Variants in LCORL observed in about 807,000 individuals in gnomAD.
LCORL encodes the protein ligand-dependent nuclear receptor corepressor-like protein.
Under a neutral mutation model 141.8 loss-of-function variants are expected in LCORL, and 41 were observed. That is an observed-to-expected ratio of 0.29 (90% CI 0.23 to 0.38). LCORL has a LOEUF of 0.38. Among genes scored for constraint, LCORL ranks in the 10% least tolerant of loss-of-function variants. The pLI, the probability that LCORL is intolerant of heterozygous loss-of-function variation, is 1.00. For missense variants in LCORL, 1,759 were observed against 2,035.0 expected, an observed-to-expected ratio of 0.86 and a Z score of 2.61; for synonymous variants, 618 against 694.1, an observed-to-expected ratio of 0.89 and a Z score of 1.72.
chr4:18,010,716 C>T (rs577805404), intron 1 of LCORL, among the ~76,000 whole-genome samples: 38 of 152,044 alleles, frequency 2.5e-4, no homozygotes, highest in Non-Finnish European at 4.4e-4. Context: ...CTTCCCAAAG[C>T]GCTGGGATTA....
At chr4:17,849,756 T>C (rs1723402950) in intron 7 of LCORL, among the ~76,000 whole-genome samples, 1 of 152,124 alleles carries the variant, frequency 6.6e-6, no homozygotes, top group Admixed American at 6.5e-5. Context: ...CCAATGACTT[T>C]CTTCACAGAA....
chr4:17,945,784 GTATT>G (rs1183678936), intron 4 of LCORL, among the ~76,000 whole-genome samples: 13 of 151,566 alleles, frequency 8.6e-5, no homozygotes, highest in African/African-American at 3.1e-4. Flanking sequence ...AAAATTTTCT[GTATT>G]TATGCTTTGA....
In LCORL at chr4:17,877,382, A is replaced by G. The variant is rs1196633140; in HGVS notation, c.1608T>C (p.Asn536=). The change falls in exon 7 of 8, where the codon AAT becomes AAC. Residue 536 remains asparagine, a synonymous_variant. Transcript: ENST00000635767. ...TGGTTTCTATTGATTTTAGTTTTTC[A>G]TTAATGCGATCCATTAAATCTTGAA... is the stretch of plus-strand genomic sequence containing the variant. The G allele has an allele frequency of 5.7e-6, 7 of 1,230,636 alleles. No individual in the cohort carries two copies. In the South Asian group the frequency reaches 1.6e-4, roughly 29 times the overall value. The allele number at this position is 1,230,636 out of a possible 1,614,324, so 76.2% of individuals were successfully genotyped here.
At chr4:17,907,701 G>A (rs191160145) in intron 5 of LCORL, among the ~76,000 whole-genome samples, 102 of 151,718 alleles carry the variant, frequency 6.7e-4, no homozygotes, top group Admixed American at 3.3e-3. Context: ...AAATAACACA[G>A]GGAACCCCCC....
At chr4:17,960,910 A>AAG (rs11451803) in intron 4 of LCORL, among the ~76,000 whole-genome samples, 1 of 151,956 alleles carries the variant, frequency 6.6e-6, no homozygotes, top group African/African-American at 2.4e-5. Context: ...AATTATATTA[A>AAG]GACTCTTCTA....
At chr4:17,923,622 G>A (rs1300010735) in intron 4 of LCORL, among the ~76,000 whole-genome samples, 8 of 151,994 alleles carry the variant, frequency 5.3e-5, no homozygotes, top group Admixed American at 2.0e-4. Flanking sequence ...CTCCAGCCTC[G>A]GTGACAGAGT....
At chr4:18,008,851 T>C (rs73802714) in intron 1 of LCORL, among the ~76,000 whole-genome samples, 1 of 152,162 alleles carries the variant, frequency 6.6e-6, no homozygotes, top group Admixed American at 6.5e-5. Context: ...CTAATGACAC[T>C]GTTTTTAAAT....
At chr4:17,879,214 A>T (rs1386772697) in intron 6 of LCORL, among the ~76,000 whole-genome samples, 1 of 151,172 alleles carries the variant, frequency 6.6e-6, no homozygotes, top group Admixed American at 6.6e-5. Context: ...AAAAATTATA[A>T]GATTTTTACT....
chr4:17,968,270 TAA>T (rs1352108989), intron 2 of LCORL, among the ~76,000 whole-genome samples: 3 of 152,222 alleles, frequency 2.0e-5, no homozygotes, highest in African/African-American at 4.8e-5. Context: ...ACATATGTGA[TAA>T]GAGCTAATAT....
Position 18,020,266 on chromosome 4 carries a change from C to G in LCORL, c.154+1332G>C, listed in dbSNP as rs562403418. 7.9e-5 allele frequency among the ~76,000 whole-genome samples: 12 copies of G among 152,064 alleles called. No individual in the cohort carries two copies. The East Asian group carries it at 2.1e-3, about 27-fold the overall frequency. On this transcript the variant is annotated intron_variant, in intron 1 of 7. Coordinates refer to ENST00000635767, the Ensembl canonical transcript of LCORL. ...TAACCAAATACATGGGAGGCGGGGT[C>G]GGGGGTGCGAGGTGGTGCCAGAGCA...
intron 1 of LCORL, among the ~76,000 whole-genome samples, chr4:17,998,491 C>T (rs568559915): frequency 7.2e-5 from 11 of 152,070 alleles, no homozygotes; most frequent in Non-Finnish European, 1.0e-4. Context: ...CAAATACACA[C>T]ATTAGCCTAG....
intron 1 of LCORL, among the ~76,000 whole-genome samples, chr4:18,003,761 C>T (rs904549545): frequency 4.6e-5 from 7 of 152,190 alleles, no homozygotes; most frequent in East Asian, 1.9e-4. Context: ...TTTTGAAGCA[C>T]GTTACAATCA....
chr4:17,862,622 A>T (rs56787492), intron 7 of LCORL, among the ~76,000 whole-genome samples: 4,790 of 152,278 alleles, frequency 0.031, 266 homozygotes, highest in African/African-American at 0.11. Flanking sequence ...AAGCAATAGA[A>T]AAAGAAGTCC....
At chr4:17,894,400 A>G (rs1475593321) in intron 5 of LCORL, among the ~76,000 whole-genome samples, 1 of 152,204 alleles carries the variant, frequency 6.6e-6, no homozygotes, top group Admixed American at 6.6e-5. Context: ...ACTCTTAAAA[A>G]TTATTGCAGA....
intron 7 of LCORL, among the ~76,000 whole-genome samples, chr4:17,869,571 G>A (rs1307623976): frequency 6.6e-6 from 1 of 152,028 alleles, no homozygotes; most frequent in Non-Finnish European, 1.5e-5. Context: ...ACTGTCATCT[G>A]TCTCCTTTTG....
chr4:17,996,275 T>A (rs1345755700), intron 1 of LCORL, among the ~76,000 whole-genome samples: 1 of 152,108 alleles, frequency 6.6e-6, no homozygotes, highest in Non-Finnish European at 1.5e-5. Flanking sequence ...ATAGCACTGA[T>A]ATGTATCATT....
intron 4 of LCORL, among the ~76,000 whole-genome samples, chr4:17,957,071 G>C (rs994679337): frequency 9.2e-5 from 14 of 151,860 alleles, no homozygotes; most frequent in Admixed American, 5.9e-4. Flanking sequence ...GGAAAACAGC[G>C]TTGGAAATGA....
intron 1 of LCORL, among the ~76,000 whole-genome samples, chr4:17,990,894 T>C (rs1719893663): frequency 6.6e-6 from 1 of 152,090 alleles, no homozygotes; most frequent in Non-Finnish European, 1.5e-5. Flanking sequence ...AAGTCCACGA[T>C]CCTCAAAAAT....
chr4:17,928,331 T>G (rs58301684), intron 4 of LCORL, among the ~76,000 whole-genome samples: 11,338 of 152,160 alleles, frequency 0.075, 963 homozygotes, highest in African/African-American at 0.21. Flanking sequence ...AGGATCACTT[T>G]AGCCCAGGCA....
Sources: gnomAD v4.1 joint callset for allele counts (sites outside exome capture counted in the v4.1 genomes callset) on GRCh38, gnomAD v4.1.1 for gene constraint, MANE v1.5 for transcripts, NCBI Gene and HGNC (gene_info 2026-07-23, HGNC 2026-07-21) for gene names.